The following RFX3 variants were observed in gnomAD, a reference collection of about 807,000 sequenced individuals.
RFX3 encodes transcription factor RFX3.
Under a neutral mutation model 98.6 loss-of-function variants are expected in RFX3, and 14 were observed. That is an observed-to-expected ratio of 0.14 (90% CI 0.09 to 0.22). The LOEUF is 0.22. Among genes scored for constraint, RFX3 ranks in the 10% least tolerant of loss-of-function variants. The pLI, the probability that RFX3 is intolerant of heterozygous loss-of-function variation, is 1.00. For synonymous variants in RFX3, 383 were observed against 328.4 expected (o/e 1.17, Z -1.80); for missense variants, 639 against 926.9 (o/e 0.69, Z 4.03).
chr9:3,298,546 T>C (rs72699037), intron 5 of RFX3, among the ~76,000 whole-genome samples: 1 of 151,766 alleles, frequency 6.6e-6, no homozygotes, highest in Non-Finnish European at 1.5e-5. Flanking sequence ...AGGGATGCAC[T>C]GGTGAACAAA....
chr9:3,357,355 T>C (rs1431218914), intron 2 of RFX3, among the ~76,000 whole-genome samples: 1 of 152,000 alleles, frequency 6.6e-6, no homozygotes, highest in Non-Finnish European at 1.5e-5. Flanking sequence ...CCAATAGAAA[T>C]CCACTATTTC....
chr9:3,525,115 CAGCCCA>C (rs1819126295), intron 1 of RFX3, among the ~76,000 whole-genome samples: 1 of 151,930 alleles, frequency 6.6e-6, no homozygotes, highest in South Asian at 2.1e-4. Context: ...GAAAGAAGAG[CAGCCCA>C]TTCAGCACCA....
chr9:3,524,608 A>G, intron 1 of RFX3: 1 of 984,318 alleles, frequency 1.0e-6, no homozygotes, highest in East Asian at 1.1e-4. Context: ...AACACTGTGA[A>G]CTGAGTTCTC....
chr9:3,423,809 A>ATATATATCTATC (rs1484813389), intron 1 of RFX3, among the ~76,000 whole-genome samples: 1 of 138,942 alleles, frequency 7.2e-6, no homozygotes, highest in African/African-American at 2.6e-5. Context: ...ATATATATAT[A>ATATATATCTATC]TATCTTAAGG....
At chr9:3,469,614 T>C (rs1184010173) in intron 1 of RFX3, among the ~76,000 whole-genome samples, 1 of 152,132 alleles carries the variant, frequency 6.6e-6, no homozygotes, top group Non-Finnish European at 1.5e-5. Context: ...GCTCTTCTCA[T>C]GGGAATACAC....
chr9:3,480,031 C>T (rs1849607619), intron 1 of RFX3, among the ~76,000 whole-genome samples: 1 of 152,176 alleles, frequency 6.6e-6, no homozygotes, highest in South Asian at 2.1e-4. Context: ...CATCTTTTAG[C>T]AAGGCTTTTA....
chr9:3,262,869 C>G (rs1289415972), intron 13 of RFX3, 66 bp downstream of exon 13: 1 of 1,495,174 alleles, frequency 6.7e-7, no homozygotes, highest in Non-Finnish European at 9.2e-7. Context: ...ATTTGATGAT[C>G]CCAATTAAGA....
intron 1 of RFX3, among the ~76,000 whole-genome samples, chr9:3,473,642 G>T (rs974619657): frequency 6.6e-6 from 1 of 152,100 alleles, no homozygotes; most frequent in Non-Finnish European, 1.5e-5. Flanking sequence ...CAGCCTGCAG[G>T]AGTCTCTCTA....
intron 1 of RFX3, among the ~76,000 whole-genome samples, chr9:3,494,643 T>C (rs769761576): frequency 1.6e-4 from 24 of 152,182 alleles, no homozygotes; most frequent in Non-Finnish European, 2.4e-4. Flanking sequence ...CATTCATTAA[T>C]TTAAAATAAT....
At chr9:3,514,985 G>C (rs1405972272) in intron 1 of RFX3, among the ~76,000 whole-genome samples, 1 of 152,156 alleles carries the variant, frequency 6.6e-6, no homozygotes, top group Non-Finnish European at 1.5e-5. Flanking sequence ...CTCTGAGACT[G>C]TCATTAGATA....
At chr9:3,436,458 T>C (rs1845130902) in intron 1 of RFX3, among the ~76,000 whole-genome samples, 1 of 152,046 alleles carries the variant, frequency 6.6e-6, no homozygotes, top group Non-Finnish European at 1.5e-5. Context: ...TATAAAAGCA[T>C]TATATTTTTA....
intron 4 of RFX3, among the ~76,000 whole-genome samples, chr9:3,326,789 C>T (rs1308635155): frequency 1.3e-5 from 2 of 152,132 alleles, no homozygotes; most frequent in African/African-American, 2.4e-5. Flanking sequence ...GAAAACTTTG[C>T]CATAGGAACT....
chr9:3,284,358 C>G (rs988593794), intron 7 of RFX3, among the ~76,000 whole-genome samples: 2 of 151,706 alleles, frequency 1.3e-5, no homozygotes, highest in Non-Finnish European at 3.0e-5. Flanking sequence ...ATCTAACTTA[C>G]TTATTATCTA....
At chr9:3,286,605 T>C (rs559610086) in intron 7 of RFX3, among the ~76,000 whole-genome samples, 40 of 151,924 alleles carry the variant, frequency 2.6e-4, no homozygotes, top group African/African-American at 9.4e-4. Context: ...CAAAAAGTCA[T>C]CTCTCTAGAA....
chr9:3,494,553 G>A (rs185361835), intron 1 of RFX3, among the ~76,000 whole-genome samples: 1 of 152,110 alleles, frequency 6.6e-6, no homozygotes, highest in African/African-American at 2.4e-5. Context: ...GCTCTCTCCA[G>A]CTGGTAAGGC....
chr9:3,400,707 G>C (rs11793730), intron 1 of RFX3, among the ~76,000 whole-genome samples: 3,507 of 152,258 alleles, frequency 0.023, 60 homozygotes, highest in Middle Eastern at 0.044. Flanking sequence ...CAGATTAACT[G>C]AAAAGTTCAT....
At chr9:3,257,274 G>T in intron 13 of RFX3, 75 bp from the exon 14 acceptor site, 1 of 1,203,468 alleles carries the variant, frequency 8.3e-7, no homozygotes, top group Non-Finnish European at 1.2e-6. Context: ...ACACACACTA[G>T]ATGCAAGAAC....
chr9:3,293,997 T>G (rs1172096603), intron 5 of RFX3, among the ~76,000 whole-genome samples: 1 of 152,194 alleles, frequency 6.6e-6, no homozygotes, highest in Non-Finnish European at 1.5e-5. Flanking sequence ...CAATACTTTT[T>G]CAGTCTATGT....
In RFX3 at chr9:3,412,976, T is replaced by C. The variant is rs376106886; in HGVS notation, c.-8-17380A>G. Among the ~76,000 whole-genome samples the C allele has an allele frequency of 8.1e-4, 123 of 152,252 alleles. 3 individuals are homozygous for C. The South Asian group carries it at 0.025, about 31-fold the overall frequency. On this transcript the variant is annotated intron_variant, in intron 1 of 16. Coordinates refer to ENST00000617270, the MANE Select transcript of RFX3 (RefSeq NM_001282116.2). Reference sequence around the variant, plus strand: ...AAATAAGATTCTAATATGTTTTATATTGAGTCTAAAAATCACACTTCTTTA... The same window carrying C: ...AAATAAGATTCTAATATGTTTTATACTGAGTCTAAAAATCACACTTCTTTA...
Sources: allele counts gnomAD v4.1 joint callset (sites outside exome capture counted in the v4.1 genomes callset), GRCh38; gene constraint gnomAD v4.1.1; transcripts MANE v1.5; gene names NCBI Gene and HGNC (gene_info 2026-07-23, HGNC 2026-07-21).